The following LOC122539214 variants were observed in gnomAD, a reference collection of about 807,000 sequenced individuals.
the LOC122539214 span, among the ~76,000 whole-genome samples, chr19:52,677,318 A>T: frequency 9.1e-6 from 1 of 110,232 alleles, no homozygotes; most frequent in African/African-American, 3.5e-5. Flanking sequence ...AAAAAAAAAA[A>T]AAAAAAAAAA....
chr19:52,655,318 C>T, the LOC122539214 span: 3 of 384,656 alleles, frequency 7.8e-6, no homozygotes, highest in Non-Finnish European at 1.4e-5. Context: ...CTGCTTAGAG[C>T]AGGATGACGT....
chr19:52,680,892 G>A, the LOC122539214 span, among the ~76,000 whole-genome samples: 3 of 151,652 alleles, frequency 2.0e-5, no homozygotes, highest in Non-Finnish European at 2.9e-5. Flanking sequence ...GATTACAGGC[G>A]TGAGCCACCG....
chr19:52,690,036 G>A, the LOC122539214 span, among the ~76,000 whole-genome samples: 25 of 152,180 alleles, frequency 1.6e-4, no homozygotes, highest in East Asian at 5.8e-4. Context: ...CTAGGCAGAG[G>A]ACACGGCCTC....
At chr19:52,654,043 A>C in the LOC122539214 span, 1 of 1,584,296 alleles carries the variant, frequency 6.3e-7, no homozygotes, top group African/African-American at 1.3e-5. Flanking sequence ...AGCATTGTTG[A>C]TAGACTTCTC....
At chr19:52,655,699 C>A in the LOC122539214 span, 1 of 1,002,086 alleles carries the variant, frequency 1.0e-6, no homozygotes, top group Non-Finnish European at 1.6e-6. Context: ...TAAAATTAAA[C>A]ACACATTTCA....
At chr19:52,654,022 G>A in the LOC122539214 span, 1 of 1,564,062 alleles carries the variant, frequency 6.4e-7, no homozygotes, top group East Asian at 2.2e-5. Flanking sequence ...TTGGGATGTT[G>A]AAACCAAGGA....
chr19:52,658,608 T>C, the LOC122539214 span, among the ~76,000 whole-genome samples: 1 of 152,124 alleles, frequency 6.6e-6, no homozygotes, highest in Non-Finnish European at 1.5e-5. Flanking sequence ...GGGAAAGTTA[T>C]AGGGAATAGT....
chr19:52,656,137 C>G, the LOC122539214 span, among the ~76,000 whole-genome samples: 2 of 152,066 alleles, frequency 1.3e-5, no homozygotes, highest in Admixed American at 1.3e-4. Flanking sequence ...AGCTTGAGCT[C>G]CAGAGGCAAA....
the LOC122539214 span, among the ~76,000 whole-genome samples, chr19:52,666,367 C>T: frequency 6.6e-6 from 1 of 152,084 alleles, no homozygotes; most frequent in South Asian, 2.1e-4. Flanking sequence ...AATTGAAGGT[C>T]TTCTCCATGA....
chr19:52,681,306 A>G, the LOC122539214 span, among the ~76,000 whole-genome samples: 1 of 150,496 alleles, frequency 6.6e-6, no homozygotes, highest in Non-Finnish European at 1.5e-5. Context: ...AAAAAAGCAA[A>G]CGAACATAGA....
At chr19:52,676,989 C>T in the LOC122539214 span, among the ~76,000 whole-genome samples, 18,585 of 144,434 alleles carry the variant, frequency 0.13, 1,252 homozygotes, top group Non-Finnish European at 0.15. Flanking sequence ...ACAAACACTG[C>T]GGAAGGCCGC....
At chr19:52,688,305 G>T in the LOC122539214 span, among the ~76,000 whole-genome samples, 2 of 151,946 alleles carry the variant, frequency 1.3e-5, no homozygotes, top group East Asian at 3.9e-4. Flanking sequence ...AGAGTAGCTG[G>T]GATTACAGGT....
the LOC122539214 span, among the ~76,000 whole-genome samples, chr19:52,660,196 A>G: frequency 1.3e-5 from 2 of 152,302 alleles, no homozygotes; most frequent in South Asian, 4.1e-4. Flanking sequence ...GCATAGTCTT[A>G]GTCAGAGAGG....
At chr19:52,680,534 A>G in the LOC122539214 span, among the ~76,000 whole-genome samples, 1 of 152,134 alleles carries the variant, frequency 6.6e-6, no homozygotes, top group African/African-American at 2.4e-5. Context: ...CTGTGTTCTG[A>G]CAAACCCACG....
the LOC122539214 span, chr19:52,674,216 G>A: frequency 1.3e-5 from 2 of 152,240 alleles, no homozygotes; most frequent in African/African-American, 2.4e-5. Flanking sequence ...TGGCCCTGAT[G>A]TGTGAAGACT....
At chr19:52,652,159 C>A in the LOC122539214 span, 1 of 223,726 alleles carries the variant, frequency 4.5e-6, no homozygotes. Context: ...CATTGCCACA[C>A]TGGGCGTGGT....
At chr19:52,664,375 G>A in the LOC122539214 span, among the ~76,000 whole-genome samples, 1 of 151,908 alleles carries the variant, frequency 6.6e-6, no homozygotes, top group Non-Finnish European at 1.5e-5. Flanking sequence ...ATGTAGCTGT[G>A]GTCCCAGCTA....
At chr19:52,667,945 C>G in the LOC122539214 span, among the ~76,000 whole-genome samples, 1 of 152,082 alleles carries the variant, frequency 6.6e-6, no homozygotes, top group Non-Finnish European at 1.5e-5. Flanking sequence ...ATTTGGCTTT[C>G]TTTGGTCTAA....
chr19:52,663,979 C>T, the LOC122539214 span, among the ~76,000 whole-genome samples: 15 of 152,286 alleles, frequency 9.8e-5, no homozygotes, highest in East Asian at 1.7e-3. Context: ...CTCCACCTCC[C>T]GGATTCAAGC....
Sources: gnomAD v4.1 joint callset for allele counts (sites outside exome capture counted in the v4.1 genomes callset) on GRCh38, gnomAD v4.1.1 for gene constraint, MANE v1.5 for transcripts.